The following NHSL2 variants were observed in gnomAD, a reference collection of about 807,000 sequenced individuals.
The protein encoded by NHSL2 is NHS-like protein 2.
In NHSL2, 27 loss-of-function variants were observed where a neutral mutation model predicts 53.4. That is an observed-to-expected ratio of 0.51 (90% CI 0.37 to 0.70). The LOEUF is 0.70. Among genes scored for constraint, NHSL2 ranks in the 30% least tolerant of loss-of-function variants. The probability of loss-of-function intolerance (pLI) is 0.00; values close to 1 mark genes in which losing one functional copy is unlikely to be tolerated. For missense variants in NHSL2, 892 were observed against 980.1 expected (o/e 0.91, Z 1.20); for synonymous variants, 408 against 404.1 (o/e 1.01, Z -0.12).
At chrX:71,948,819 G>A (rs1286489829) in intron 1 of NHSL2, among the ~76,000 whole-genome samples, 1 of 67,214 alleles carries the variant, frequency 1.5e-5, no homozygotes, top group Non-Finnish European at 3.3e-5. Context: ...GACACAGCAA[G>A]ACTCTGTCAA....
At chrX:72,077,438 G>A (rs936050861) in intron 1 of NHSL2, among the ~76,000 whole-genome samples, 5 of 110,883 alleles carry the variant, frequency 4.5e-5, no homozygotes, top group African/African-American at 1.6e-4. Flanking sequence ...TGCTGGTTCT[G>A]AGGATGAAGA....
chrX:72,082,259 G>T (rs192726397), intron 1 of NHSL2, among the ~76,000 whole-genome samples: 3 of 111,511 alleles, frequency 2.7e-5, no homozygotes, highest in South Asian at 7.5e-4. Context: ...ATCTGGTTGC[G>T]CAGGGTGCAG....
chrX:72,070,038 T>C (rs1167026599), intron 1 of NHSL2, among the ~76,000 whole-genome samples: 1 of 112,164 alleles, frequency 8.9e-6, no homozygotes, highest in Non-Finnish European at 1.9e-5. Flanking sequence ...AGCGTGCCAG[T>C]GACTGAAGTT....
chrX:72,014,775 A>G (rs1331817758), intron 1 of NHSL2, among the ~76,000 whole-genome samples: 1 of 110,288 alleles, frequency 9.1e-6, no homozygotes, highest in Non-Finnish European at 1.9e-5. Flanking sequence ...GAGATGTTCT[A>G]TAAATGTCAA....
At chrX:72,121,181 A>G (rs1273348984) in intron 1 of NHSL2, among the ~76,000 whole-genome samples, 2 of 112,150 alleles carry the variant, frequency 1.8e-5, no homozygotes, top group Non-Finnish European at 3.8e-5. Flanking sequence ...GACAGACGGT[A>G]AAGTCAGGAA....
chrX:72,078,415 C>T (rs1019271255), intron 1 of NHSL2, among the ~76,000 whole-genome samples: 1 of 112,340 alleles, frequency 8.9e-6, no homozygotes, highest in African/African-American at 3.2e-5. Context: ...TCAGAGAGTA[C>T]AGAGGGTAGG....
chrX:72,130,785 G>C (rs370694469), intron 1 of NHSL2: 12 of 1,210,083 alleles, frequency 9.9e-6, no homozygotes, highest in Non-Finnish European at 1.2e-5. Context: ...CTGCATAGCT[G>C]CCGAGGGTAC....
chrX:71,919,837 AGC>A (rs1569462632), intron 1 of NHSL2, among the ~76,000 whole-genome samples: 6 of 112,302 alleles, frequency 5.3e-5, no homozygotes, highest in Non-Finnish European at 1.1e-4. Context: ...ACTTTAATGA[AGC>A]AGCAGAGGAT....
intron 1 of NHSL2, among the ~76,000 whole-genome samples, chrX:71,993,416 G>A (rs1342655175): frequency 1.8e-5 from 2 of 112,130 alleles, no homozygotes; most frequent in Non-Finnish European, 3.8e-5. Context: ...TTGAGTAACT[G>A]GGGGTCAAGG....
At position 72,132,075 on chromosome X, in the gene NHSL2, C is replaced by G; in HGVS notation, c.281-4C>G. On this transcript the variant is annotated splice_polypyrimidine_tract_variant and splice_region_variant and intron_variant, in intron 1 of 7. Coordinates refer to ENST00000633930, the MANE Select transcript of NHSL2 (RefSeq NM_001013627.3). ...CGCCTCTCACTGACTCTCTCCTTCC[C>G]TAGCTGCAGCTAACTCGGGTCGGGA... is the stretch of plus-strand genomic sequence containing the variant. 2.6e-6 allele frequency: 3 copies of G among 1,166,773 alleles called. No individual in the cohort carries two copies. The highest frequency in any genetic ancestry group is 3.4e-6 in the Non-Finnish European group (3 of 872,177).
intron 1 of NHSL2, chrX:72,130,890 G>A (rs1268314371): frequency 8.3e-7 from 1 of 1,210,173 alleles, no homozygotes; most frequent in Non-Finnish European, 1.1e-6. Context: ...GGAAGCGCGG[G>A]AAGTTGGCAT....
intron 1 of NHSL2, among the ~76,000 whole-genome samples, chrX:72,035,649 A>G (rs1460808996): frequency 1.8e-5 from 2 of 111,631 alleles, no homozygotes; most frequent in Non-Finnish European, 3.8e-5. Context: ...TTTCCTCTAC[A>G]TACATTTAGA....
At chrX:72,083,282 A>G (rs1054834253) in intron 1 of NHSL2, among the ~76,000 whole-genome samples, 10 of 113,352 alleles carry the variant, frequency 8.8e-5, no homozygotes, top group African/African-American at 2.9e-4. Flanking sequence ...AGGCTACTTT[A>G]GTGCTTACCA....
In NHSL2 at chrX:71,922,807, C is replaced by G. The variant is rs184369521; in HGVS notation, c.280+11440C>G. On this transcript the variant is annotated intron_variant, in intron 1 of 7. Coordinates refer to ENST00000633930, the MANE Select transcript of NHSL2 (RefSeq NM_001013627.3). ...CATTCCAGCTCCCAGGAAACTTACC[C>G]ATTAAGAGAACTCATTTCTTGAGGA... Among the ~76,000 whole-genome samples the G allele has an allele frequency of 8.0e-5, 9 of 112,302 alleles. No individual in the cohort carries two copies. In the East Asian group the frequency reaches 2.5e-3, roughly 31 times the overall value.
intron 1 of NHSL2, among the ~76,000 whole-genome samples, chrX:72,043,242 T>G (rs962770733): frequency 4.5e-5 from 5 of 111,719 alleles, no homozygotes; most frequent in Non-Finnish European, 9.4e-5. Flanking sequence ...ATATAACCCA[T>G]GCACACACAT....
chrX:72,061,703 C>T (rs1169159871), intron 1 of NHSL2, among the ~76,000 whole-genome samples: 1 of 112,267 alleles, frequency 8.9e-6, no homozygotes, highest in East Asian at 2.8e-4. Context: ...ATAACATCCA[C>T]CTCTTACCCC....
chrX:72,062,102 A>T (rs1277974146), intron 1 of NHSL2, among the ~76,000 whole-genome samples: 1 of 112,611 alleles, frequency 8.9e-6, no homozygotes, highest in South Asian at 3.6e-4. Flanking sequence ...AATCTATTGA[A>T]TGAATGAATG....
At chrX:72,100,737 A>G (rs2041984995) in intron 1 of NHSL2, among the ~76,000 whole-genome samples, 1 of 112,594 alleles carries the variant, frequency 8.9e-6, no homozygotes, top group Admixed American at 9.4e-5. Flanking sequence ...GAGGTGGAAC[A>G]GTTTCATCCT....
chrX:72,112,765 C>G (rs1433670711), intron 1 of NHSL2, among the ~76,000 whole-genome samples: 4 of 111,528 alleles, frequency 3.6e-5, no homozygotes, highest in African/African-American at 1.3e-4. Context: ...TCTTGGCTTA[C>G]TGCAACTTCC....
Sources: gnomAD v4.1 joint callset for allele counts (sites outside exome capture counted in the v4.1 genomes callset) on GRCh38, gnomAD v4.1.1 for gene constraint, MANE v1.5 for transcripts, NCBI Gene and HGNC (gene_info 2026-07-23, HGNC 2026-07-21) for gene names.